The following AKAP9 variants were observed in gnomAD, a reference collection of about 807,000 sequenced individuals.
AKAP9 encodes A-kinase anchor protein 9.
A neutral mutation model predicts 488.5 loss-of-function variants in AKAP9; 311 were observed. The observed-to-expected ratio is 0.64, with a 90% CI of 0.58 to 0.70. The LOEUF is 0.70. Ranked by LOEUF, AKAP9 falls within the 30% of genes least tolerant of loss-of-function variation. The probability of loss-of-function intolerance (pLI) is 0.00; values close to 1 mark genes in which losing one functional copy is unlikely to be tolerated. For missense variants in AKAP9, 4,215 were observed against 4,374.5 expected (o/e 0.96, Z 1.03); for synonymous variants, 1,462 against 1,483.5 (o/e 0.99, Z 0.33).
At chr7:91,950,793 T>G (rs1792143081) in intron 1 of AKAP9, among the ~76,000 whole-genome samples, 1 of 152,160 alleles carries the variant, frequency 6.6e-6, no homozygotes. Context: ...TATTAGAAAA[T>G]ATGTTAAAAC....
At chr7:92,023,100 T>C in intron 14 of AKAP9, 91 bp downstream of exon 14, 2 of 1,349,106 alleles carry the variant, frequency 1.5e-6, no homozygotes, top group South Asian at 1.2e-5. Flanking sequence ...AAAAGTAACT[T>C]AAGCAAAGTT....
intron 24 of AKAP9, chr7:92,063,405 G>A: frequency 1.1e-6 from 1 of 931,176 alleles, no homozygotes; most frequent in Non-Finnish European, 1.3e-6. Flanking sequence ...GGAAGTAGAA[G>A]ACATATAAAT....
intron 22 of AKAP9, among the ~76,000 whole-genome samples, chr7:92,054,179 G>C (rs1019130257): frequency 2.6e-5 from 4 of 152,084 alleles, no homozygotes; most frequent in African/African-American, 9.7e-5. Context: ...GATTTCTTCA[G>C]AATAGTCTCA....
intron 1 of AKAP9, among the ~76,000 whole-genome samples, chr7:91,970,207 A>G (rs889447359): frequency 3.9e-5 from 6 of 152,214 alleles, no homozygotes; most frequent in Admixed American, 2.0e-4. Flanking sequence ...AAAACCCTCT[A>G]TACTCTAACT....
chr7:92,071,627 A>C (rs1204306275), intron 28 of AKAP9, among the ~76,000 whole-genome samples: 1 of 152,202 alleles, frequency 6.6e-6, no homozygotes, highest in Non-Finnish European at 1.5e-5. Context: ...TTTGTCTACT[A>C]ATAGTTTTTA....
chr7:92,013,965 TCA>T (rs1302212532), intron 9 of AKAP9, among the ~76,000 whole-genome samples: 2 of 152,190 alleles, frequency 1.3e-5, no homozygotes, highest in Non-Finnish European at 2.9e-5. Flanking sequence ...GATTTTTATT[TCA>T]GTTTTACATA....
chr7:92,029,741 G>A (rs186890749), intron 14 of AKAP9, among the ~76,000 whole-genome samples, 154 bp from the exon 15 acceptor site: 22 of 152,286 alleles, frequency 1.4e-4, no homozygotes, highest in Admixed American at 1.3e-3. Context: ...GGAAATATTA[G>A]TCAAAAATAT....
In AKAP9 at chr7:92,001,560, G is replaced by A. The variant is rs1299207595; in HGVS notation, c.1643G>A (p.Arg548Lys). The A allele has an allele frequency of 1.9e-6, 3 of 1,613,746 alleles. No homozygotes were observed. Among genetic ancestry groups the A allele is most frequent in the Middle Eastern group, 1.6e-4 (1 of 6,082 alleles). The change falls in exon 8 of 50, where the codon AGA becomes AAA. Residue 548 changes from arginine to lysine, a missense_variant. This residue lies in a region of AKAP9 where 2,361 missense variants were observed against 2,430.0 expected (regional missense o/e 0.97). Transcript: ENST00000356239. ...TCAAGGGAACAGATTCAGAGAGCTA[G>A]ACAGACAATAGCTGAACAAGAAAGT... Reference protein sequence around the residue: ...SFSREQIQRARQTIAEQESKL... With the variant: ...SFSREQIQRAKQTIAEQESKL...
At chr7:92,020,246 T>A (rs1031486935) in intron 12 of AKAP9, among the ~76,000 whole-genome samples, 1 of 152,200 alleles carries the variant, frequency 6.6e-6, no homozygotes, top group Non-Finnish European at 1.5e-5. Context: ...TTCCTCCTCA[T>A]TTCAGCCATA....
intron 3 of AKAP9, among the ~76,000 whole-genome samples, chr7:91,991,101 C>T (rs1318692389): frequency 3.3e-5 from 5 of 152,184 alleles, no homozygotes; most frequent in Non-Finnish European, 7.3e-5. Context: ...CAGGCATCTA[C>T]TGGGAGTCTT....
intron 14 of AKAP9, among the ~76,000 whole-genome samples, chr7:92,026,581 C>T (rs544620971): frequency 1.2e-3 from 183 of 152,272 alleles, no homozygotes; most frequent in African/African-American, 4.2e-3. Flanking sequence ...GTGATCTGCC[C>T]GCCTCGGCCT....
At chr7:92,063,380 C>T in intron 24 of AKAP9, 1 of 758,038 alleles carries the variant, frequency 1.3e-6, no homozygotes, top group Non-Finnish European at 1.6e-6. Flanking sequence ...TGTGCATGTG[C>T]ATTATCCCAT....
chr7:91,945,368 G>A (rs1791335139), intron 1 of AKAP9, among the ~76,000 whole-genome samples: 1 of 152,158 alleles, frequency 6.6e-6, no homozygotes, highest in Non-Finnish European at 1.5e-5. Context: ...AAATTAGCCA[G>A]GCGTGGTGGC....
chr7:92,027,695 G>A (rs1289498271), intron 14 of AKAP9, among the ~76,000 whole-genome samples: 5 of 143,014 alleles, frequency 3.5e-5, no homozygotes, highest in Admixed American at 6.9e-5. Flanking sequence ...CTGCCTGGCC[G>A]CCCCGTCTGG....
chr7:92,011,021 A>C (rs978593524), intron 8 of AKAP9, among the ~76,000 whole-genome samples: 1 of 152,196 alleles, frequency 6.6e-6, no homozygotes, highest in Non-Finnish European at 1.5e-5. Flanking sequence ...TTTTTTTTCA[A>C]TGGAGAAAAT....
intron 26 of AKAP9, 152 bp from the exon 27 acceptor site, chr7:92,069,878 T>A (rs1244625302): frequency 1.5e-6 from 1 of 651,460 alleles, no homozygotes; most frequent in African/African-American, 1.8e-5. Context: ...GGTAACATAA[T>A]GAGACTCCAT....
chr7:92,082,140 G>C (rs765995619), intron 31 of AKAP9, among the ~76,000 whole-genome samples: 9 of 151,930 alleles, frequency 5.9e-5, no homozygotes, highest in Non-Finnish European at 1.0e-4. Context: ...TCGCCACGTT[G>C]CCCAGACTGG....
intron 1 of AKAP9, among the ~76,000 whole-genome samples, chr7:91,969,982 C>A (rs762445786): frequency 1.9e-4 from 29 of 152,064 alleles, no homozygotes; most frequent in Non-Finnish European, 3.5e-4. Flanking sequence ...TAATTCCTCT[C>A]TTCTTCCTTT....
At chr7:92,110,062 G>A (rs1329983988) in intron 49 of AKAP9, 60 bp from the exon 50 acceptor site, 2 of 1,264,652 alleles carry the variant, frequency 1.6e-6, no homozygotes, top group African/African-American at 2.9e-5. Context: ...ACTCTGGTGG[G>A]TCTGATACAG....
Sources: allele counts gnomAD v4.1 joint callset (sites outside exome capture counted in the v4.1 genomes callset), GRCh38; gene constraint gnomAD v4.1.1; regional missense constraint gnomAD v4.1.1; transcripts MANE v1.5; gene names NCBI Gene and HGNC (gene_info 2026-07-23, HGNC 2026-07-21).